ADAM29: variants seen among roughly 807,000 people sequenced by gnomAD.
ADAM29 encodes disintegrin and metalloproteinase domain-containing protein 29.
For synonymous variants in ADAM29, 367 were observed against 342.3 expected (o/e 1.07, Z -0.80); for missense variants, 969 against 1,001.8 (o/e 0.97, Z 0.44).
chr4:174,968,404 T>C (rs1746273588), intron 4 of ADAM29, among the ~76,000 whole-genome samples: 1 of 152,196 alleles, frequency 6.6e-6, no homozygotes, highest in South Asian at 2.1e-4. Flanking sequence ...ACACTGCCCA[T>C]GCCAACTGTG....
At chr4:174,927,708 G>A (rs138332766) in intron 2 of ADAM29, among the ~76,000 whole-genome samples, 1 of 152,086 alleles carries the variant, frequency 6.6e-6, no homozygotes, top group African/African-American at 2.4e-5. Context: ...TATATTTATA[G>A]GGCTAGTCTA....
intron 4 of ADAM29, among the ~76,000 whole-genome samples, chr4:174,938,991 T>C (rs1237672669): frequency 6.6e-6 from 1 of 152,194 alleles, no homozygotes; most frequent in Non-Finnish European, 1.5e-5. Flanking sequence ...TTCTCTATTA[T>C]GTGACCATGT....
At chr4:174,924,152 A>G (rs2110900474) in intron 2 of ADAM29, 1 of 152,244 alleles carries the variant, frequency 6.6e-6, no homozygotes. Flanking sequence ...ATAATAGTAC[A>G]GACAACTCAA....
intron 4 of ADAM29, among the ~76,000 whole-genome samples, chr4:174,963,306 A>G (rs1325321878): frequency 1.3e-5 from 2 of 152,230 alleles, no homozygotes; most frequent in African/African-American, 2.4e-5. Context: ...CCTGATTCAC[A>G]TAAACACACG....
chr4:174,925,481 CAT>C (rs1743464468), intron 2 of ADAM29, among the ~76,000 whole-genome samples: 2 of 152,018 alleles, frequency 1.3e-5, no homozygotes, highest in Admixed American at 1.3e-4. Context: ...ATGGCTAAGA[CAT>C]ATAGGAGTAA....
intron 4 of ADAM29, among the ~76,000 whole-genome samples, chr4:174,967,439 C>T (rs1055296539): frequency 6.6e-6 from 1 of 152,202 alleles, no homozygotes; most frequent in African/African-American, 2.4e-5. Flanking sequence ...CCCTCTTTTG[C>T]TATTTTCCAA....
At chr4:174,929,506 C>A (rs562991529) in intron 2 of ADAM29, among the ~76,000 whole-genome samples, 3 of 152,068 alleles carry the variant, frequency 2.0e-5, no homozygotes, top group African/African-American at 4.8e-5. Flanking sequence ...TCCACAAAGG[C>A]AGAGTCCCTG....
At chr4:174,923,247 G>A (rs1000163519) in intron 2 of ADAM29, among the ~76,000 whole-genome samples, 29 of 151,688 alleles carry the variant, frequency 1.9e-4, no homozygotes, top group African/African-American at 7.0e-4. Flanking sequence ...AGTATAGACG[G>A]GATTTCACCA....
At chr4:174,923,257 A>T (rs1743271086) in intron 2 of ADAM29, among the ~76,000 whole-genome samples, 1 of 151,582 alleles carries the variant, frequency 6.6e-6, no homozygotes, top group Admixed American at 6.6e-5. Flanking sequence ...GGATTTCACC[A>T]TGTTGGCCAG....
intron 4 of ADAM29, among the ~76,000 whole-genome samples, chr4:174,945,931 C>T (rs547732379): frequency 1.3e-5 from 2 of 152,168 alleles, no homozygotes; most frequent in South Asian, 2.1e-4. Context: ...AATATGATGC[C>T]TCAGCTTTGT....
In ADAM29 at chr4:174,953,665, A is replaced by C. The variant is rs961994290; in HGVS notation, c.-181+16652A>C. On this transcript the variant is annotated intron_variant, in intron 4 of 4. Coordinates refer to ENST00000359240, the MANE Select transcript of ADAM29 (RefSeq NM_014269.4). ...ACAATACAAACATTTATTTTAATAA[A>C]GTTTATCTGCAGGAAAAATTGGTAC... Among the ~76,000 whole-genome samples, 11 of 152,322 alleles carry C rather than the reference A, an allele frequency of 7.2e-5. No individual in the cohort carries two copies. The East Asian group carries it at 1.9e-3, about 27-fold the overall frequency.
At chr4:174,961,325 T>A (rs1352342592) in intron 4 of ADAM29, among the ~76,000 whole-genome samples, 3 of 151,330 alleles carry the variant, frequency 2.0e-5, no homozygotes, top group Non-Finnish European at 4.4e-5. Flanking sequence ...ATTATATAGT[T>A]GATATATTAT....
chr4:174,926,587 G>T (rs1743530766), intron 2 of ADAM29, among the ~76,000 whole-genome samples: 1 of 151,792 alleles, frequency 6.6e-6, no homozygotes, highest in African/African-American at 2.4e-5. Flanking sequence ...AGCATAATGA[G>T]ACTCCATCTT....
At chr4:174,972,223 C>T (rs1746518629) in intron 4 of ADAM29, among the ~76,000 whole-genome samples, 1 of 152,140 alleles carries the variant, frequency 6.6e-6, no homozygotes, top group African/African-American at 2.4e-5. Flanking sequence ...TTTGGAACAT[C>T]TTTGCCTGTT....
intron 4 of ADAM29, among the ~76,000 whole-genome samples, chr4:174,938,493 C>T (rs1744326298): frequency 6.6e-6 from 1 of 152,072 alleles, no homozygotes; most frequent in Non-Finnish European, 1.5e-5. Context: ...GGAAAAACTT[C>T]TGTATATACA....
intron 2 of ADAM29, among the ~76,000 whole-genome samples, chr4:174,929,511 T>G (rs1431964771): frequency 6.6e-6 from 1 of 151,768 alleles, no homozygotes; most frequent in African/African-American, 2.4e-5. Flanking sequence ...AAAGGCAGAG[T>G]CCCTGCTGGT....
chr4:174,968,771 CCACACA>C (rs36211576), intron 4 of ADAM29, among the ~76,000 whole-genome samples: 3,069 of 148,764 alleles, frequency 0.021, 95 homozygotes, highest in African/African-American at 0.071. Context: ...CACTTTCCGC[CCACACA>C]CACACACACA....
At chr4:174,927,851 G>A (rs1743609456) in intron 2 of ADAM29, among the ~76,000 whole-genome samples, 1 of 152,092 alleles carries the variant, frequency 6.6e-6, no homozygotes, top group African/African-American at 2.4e-5. Context: ...ATGTTTACTG[G>A]GTCCTGATTG....
At chr4:174,933,728 T>C (rs1744043259) in intron 3 of ADAM29, among the ~76,000 whole-genome samples, 1 of 152,162 alleles carries the variant, frequency 6.6e-6, no homozygotes, top group African/African-American at 2.4e-5. Flanking sequence ...ACATGCAGTA[T>C]TTGGTTTTCT....
Sources: allele counts gnomAD v4.1 joint callset (sites outside exome capture counted in the v4.1 genomes callset), GRCh38; gene constraint gnomAD v4.1.1; transcripts MANE v1.5; gene names NCBI Gene and HGNC (gene_info 2026-07-23, HGNC 2026-07-21).